Variants in CELF2 observed in about 807,000 individuals in gnomAD.
CELF2 encodes the protein CUGBP Elav-like family member 2, also known as CUG triplet repeat RNA-binding protein 2.
In CELF2, 8 loss-of-function variants were observed where a neutral mutation model predicts 62.6. The observed-to-expected ratio is 0.13, with a 90% CI of 0.07 to 0.23. The LOEUF (loss-of-function observed/expected upper bound fraction) is 0.23, where lower values mean the gene tolerates loss of function less well. Ranked by LOEUF, CELF2 falls within the 10% of genes least tolerant of loss-of-function variation. CELF2 has a pLI of 1.00. For synonymous variants in CELF2, 258 were observed against 250.0 expected, an observed-to-expected ratio of 1.03 and a Z score of -0.30; for missense variants, 333 against 671.0, an observed-to-expected ratio of 0.50 and a Z score of 5.56.
chr10:11,125,698 C>T (rs999281738), intron 1 of CELF2, among the ~76,000 whole-genome samples: 4 of 152,170 alleles, frequency 2.6e-5, no homozygotes, highest in African/African-American at 9.7e-5. Flanking sequence ...TGTCACCTCT[C>T]GGTTTTGCTA....
chr10:10,940,766 G>A (rs2046963506), intron 2 of CELF2, among the ~76,000 whole-genome samples: 1 of 152,182 alleles, frequency 6.6e-6, no homozygotes, highest in Non-Finnish European at 1.5e-5. Flanking sequence ...TATGTGTAGT[G>A]TATGTATGTG....
intron 2 of CELF2, among the ~76,000 whole-genome samples, chr10:10,955,994 G>C (rs748012793): frequency 3.9e-5 from 6 of 152,132 alleles, no homozygotes; most frequent in Non-Finnish European, 5.9e-5. Flanking sequence ...GTCATCATTT[G>C]GAATTGTTCA....
chr10:10,982,318 G>C (rs1411636463), intron 2 of CELF2, among the ~76,000 whole-genome samples: 1 of 152,142 alleles, frequency 6.6e-6, no homozygotes, highest in South Asian at 2.1e-4. Context: ...GAACCAGGTA[G>C]AAATGATAGG....
the CELF2 span, among the ~76,000 whole-genome samples, chr10:10,488,097 C>T: frequency 7.2e-5 from 11 of 151,990 alleles, no homozygotes; most frequent in African/African-American, 2.7e-4. Context: ...TGTTCTATAA[C>T]CATAAAACAT....
intron 1 of CELF2, among the ~76,000 whole-genome samples, chr10:11,038,964 C>T (rs896547749): frequency 2.0e-5 from 3 of 152,080 alleles, no homozygotes; most frequent in Non-Finnish European, 2.9e-5. Context: ...GGAGCAGGGC[C>T]TCCTGTAGAA....
At chr10:10,718,720 C>A in the CELF2 span, among the ~76,000 whole-genome samples, 1 of 151,774 alleles carries the variant, frequency 6.6e-6, no homozygotes, top group Admixed American at 6.6e-5. Context: ...AGACACCATG[C>A]TCTGTGCAGC....
the CELF2 span, among the ~76,000 whole-genome samples, chr10:10,769,993 G>A: frequency 6.9e-4 from 105 of 152,172 alleles, no homozygotes; most frequent in African/African-American, 2.4e-3. Flanking sequence ...CATGGTGATG[G>A]GGGGTTAGAA....
Position 11,321,483 on chromosome 10 carries a change from G to C in CELF2, c.1294+97G>C. On this transcript the variant is annotated intron_variant, in intron 11 of 12. Transcript: ENST00000633077. This position sits in a 1 kb window ranked among gnomAD's most constrained non-coding sequence, Gnocchi z 6.2. ...AGGTATCAAATTGAACTGAACCCATGTCATAACAGAAAGCAGTTGTTTTGT... is the reference window on the plus strand; with the variant it reads ...AGGTATCAAATTGAACTGAACCCATCTCATAACAGAAAGCAGTTGTTTTGT... 1 of 927,222 alleles carries C rather than the reference G, an allele frequency of 1.1e-6. No homozygotes were observed. The highest frequency in any genetic ancestry group is 2.6e-5 in the East Asian group (1 of 37,964). 57.4% of individuals were successfully genotyped at this position (927,222 alleles called of 1,614,324 possible).
chr10:10,900,389 G>C (rs1330560771), intron 1 of CELF2, among the ~76,000 whole-genome samples: 1 of 152,172 alleles, frequency 6.6e-6, no homozygotes, highest in Non-Finnish European at 1.5e-5. Flanking sequence ...GCCATGTGGG[G>C]TCTGGTTGGT....
the CELF2 span, among the ~76,000 whole-genome samples, chr10:10,702,417 G>T: frequency 6.6e-6 from 1 of 152,136 alleles, no homozygotes; most frequent in Non-Finnish European, 1.5e-5. Flanking sequence ...ACTCCTCCCA[G>T]CCTGCCAGTC....
chr10:10,939,978 A>G (rs1177240188), intron 2 of CELF2, among the ~76,000 whole-genome samples: 1 of 152,188 alleles, frequency 6.6e-6, no homozygotes, highest in Non-Finnish European at 1.5e-5. Context: ...AAGAAAAGCC[A>G]GTATTGGCAA....
chr10:10,820,125 A>G (rs1371604580), intron 1 of CELF2, among the ~76,000 whole-genome samples: 2 of 152,090 alleles, frequency 1.3e-5, no homozygotes, highest in African/African-American at 4.8e-5. Context: ...TTCTCTTGCC[A>G]CCACCATGTA....
intron 7 of CELF2, among the ~76,000 whole-genome samples, chr10:11,274,171 C>G (rs1235752723): frequency 6.6e-6 from 1 of 152,204 alleles, no homozygotes; most frequent in Non-Finnish European, 1.5e-5. Flanking sequence ...AGAAAACTAT[C>G]TGCTTGCCCA....
At chr10:10,497,032 A>G in the CELF2 span, among the ~76,000 whole-genome samples, 1 of 152,116 alleles carries the variant, frequency 6.6e-6, no homozygotes, top group Non-Finnish European at 1.5e-5. Flanking sequence ...TCTACTAAAA[A>G]ATACAAAAAT....
Position 11,142,466 on chromosome 10 carries a change from C to T in CELF2, c.75-23020C>T, listed in dbSNP as rs192235538. ...TTGGGAGGCCGAGGCAGGCAGATCA[C>T]GAGGTCAGGAGATCGAGACCATCCT... On this transcript the variant is annotated intron_variant, in intron 1 of 12. Transcript: ENST00000633077. 1.1e-4 allele frequency among the ~76,000 whole-genome samples: 17 copies of T among 152,092 alleles called. No individual in the cohort carries two copies. In the East Asian group the frequency reaches 3.1e-3, roughly 28 times the overall value.
the CELF2 span, among the ~76,000 whole-genome samples, chr10:10,627,770 C>G: frequency 6.6e-6 from 1 of 152,220 alleles, no homozygotes; most frequent in African/African-American, 2.4e-5. Flanking sequence ...ATTAAACTTT[C>G]TACATAGCCT....
intron 1 of CELF2, among the ~76,000 whole-genome samples, chr10:11,086,180 A>G (rs1816943556): frequency 6.6e-6 from 1 of 152,162 alleles, no homozygotes; most frequent in African/African-American, 2.4e-5. Context: ...ATTCAGGATA[A>G]TGCAGTGCCA....
rs2095463772 is a variant in CELF2 at position 11,321,956 on chromosome 10, T to G, written c.1294+570T>G. On this transcript the variant is annotated intron_variant, in intron 11 of 12. Coordinates refer to ENST00000633077, the MANE Select transcript of CELF2 (RefSeq NM_001326342.2). The surrounding 1 kb of genome is among the most constrained non-coding windows in gnomAD (Gnocchi z 6.2). The stretch of plus-strand genomic sequence containing the variant: ...CAATCCCCAAATATCCTCTCACTGC[T>G]CACCCCCTGCCATAATTAAGTTCTA... Among the ~76,000 whole-genome samples the G allele has an allele frequency of 6.6e-6, 1 of 152,226 alleles. No individual in the cohort carries two copies. Among genetic ancestry groups the G allele is most frequent in the South Asian group, 2.1e-4 (1 of 4,834 alleles).
the CELF2 span, among the ~76,000 whole-genome samples, chr10:10,563,835 G>C: frequency 0.14 from 21,643 of 152,036 alleles, 1,695 homozygotes; most frequent in East Asian, 0.23. Context: ...TCACCATCTA[G>C]ATAAGCCTCA....
Sources: allele counts gnomAD v4.1 joint callset (sites outside exome capture counted in the v4.1 genomes callset), GRCh38; gene constraint gnomAD v4.1.1; non-coding constraint Gnocchi (gnomAD v3.1); transcripts MANE v1.5; gene names NCBI Gene and HGNC (gene_info 2026-07-23, HGNC 2026-07-21).